The following EYS variants were observed in gnomAD, a reference collection of about 807,000 sequenced individuals.
The protein encoded by EYS is protein eyes shut homolog.
In EYS, 250 loss-of-function variants were observed where a neutral mutation model predicts 282.1. That is an observed-to-expected ratio of 0.89 (90% CI 0.80 to 0.98). The LOEUF is 0.98. Among genes scored for constraint, EYS ranks in the 50% least tolerant of loss-of-function variants. The pLI is 0.00. For missense variants in EYS, 4,016 were observed against 3,709.0 expected (o/e 1.08, Z -2.15); for synonymous variants, 1,355 against 1,282.9 (o/e 1.06, Z -1.20).
intron 31 of EYS, among the ~76,000 whole-genome samples, chr6:64,208,137 C>G (rs554494540): frequency 6.6e-6 from 1 of 152,234 alleles, no homozygotes; most frequent in African/African-American, 2.4e-5. Context: ...TGAAGGATGG[C>G]GATTTCACTG....
At chr6:64,472,475 C>A (rs952058374) in intron 26 of EYS, among the ~76,000 whole-genome samples, 2 of 152,146 alleles carry the variant, frequency 1.3e-5, no homozygotes, top group Non-Finnish European at 2.9e-5. Context: ...CTGTTTCCCC[C>A]TCATTTTGAC....
intron 2 of EYS, among the ~76,000 whole-genome samples, chr6:65,618,019 G>A (rs1562291748): frequency 6.6e-6 from 1 of 152,122 alleles, no homozygotes; most frequent in Non-Finnish European, 1.5e-5. Flanking sequence ...ACATACATGT[G>A]CATGTGTGTT....
intron 41 of EYS, among the ~76,000 whole-genome samples, chr6:63,737,273 A>C (rs1177145033): frequency 6.6e-6 from 1 of 152,128 alleles, no homozygotes; most frequent in East Asian, 1.9e-4. Context: ...TCAATACCTA[A>C]TTTATTGAGA....
chr6:65,015,085 T>C (rs1375817772), intron 13 of EYS, among the ~76,000 whole-genome samples: 1 of 152,048 alleles, frequency 6.6e-6, no homozygotes, highest in Non-Finnish European at 1.5e-5. Flanking sequence ...ATAGAAGTCT[T>C]CAGAAGCAAC....
chr6:64,987,818 T>C (rs1770912426), intron 14 of EYS, among the ~76,000 whole-genome samples: 1 of 151,522 alleles, frequency 6.6e-6, no homozygotes, highest in Non-Finnish European at 1.5e-5. Context: ...TCCTTGATTG[T>C]ATATAGTAAT....
At chr6:65,317,805 C>T (rs1310814874) in intron 11 of EYS, among the ~76,000 whole-genome samples, 1 of 37,934 alleles carries the variant, frequency 2.6e-5, no homozygotes, top group African/African-American at 1.5e-4. Context: ...TTCCTTCCTT[C>T]CTTCCTTCCT....
At chr6:64,150,656 A>G (rs566377480) in intron 31 of EYS, among the ~76,000 whole-genome samples, 2 of 152,188 alleles carry the variant, frequency 1.3e-5, no homozygotes, top group Non-Finnish European at 2.9e-5. Flanking sequence ...TATATGTACC[A>G]AAATATATAG....
At chr6:65,400,042 T>C (rs775297468) in intron 7 of EYS, among the ~76,000 whole-genome samples, 3 of 151,994 alleles carry the variant, frequency 2.0e-5, no homozygotes, top group Admixed American at 1.3e-4. Context: ...TTCCAAATGG[T>C]TCAAGTATCA....
intron 15 of EYS, among the ~76,000 whole-genome samples, chr6:64,925,790 C>A (rs1385858092): frequency 1.3e-5 from 2 of 152,074 alleles, no homozygotes; most frequent in Admixed American, 1.3e-4. Context: ...CCTTGTCCCC[C>A]ACTTTGCCTC....
At chr6:65,447,729 T>G (rs1399600555) in intron 5 of EYS, among the ~76,000 whole-genome samples, 1 of 151,162 alleles carries the variant, frequency 6.6e-6, no homozygotes, top group African/African-American at 2.4e-5. Flanking sequence ...CACATTGTAT[T>G]AGTGGAATGG....
At chr6:64,579,252 G>A (rs1320616604) in intron 26 of EYS, among the ~76,000 whole-genome samples, 1 of 152,120 alleles carries the variant, frequency 6.6e-6, no homozygotes, top group Non-Finnish European at 1.5e-5. Context: ...GCCCTAGCAG[G>A]AAAGTCACTG....
chr6:64,909,145 T>C (rs912888747), intron 16 of EYS, among the ~76,000 whole-genome samples: 3 of 152,174 alleles, frequency 2.0e-5, no homozygotes, highest in Non-Finnish European at 4.4e-5. Flanking sequence ...CTTCACCATG[T>C]TTAATTTTTC....
intron 11 of EYS, among the ~76,000 whole-genome samples, chr6:65,324,230 T>C: frequency 6.6e-6 from 1 of 152,130 alleles, no homozygotes; most frequent in Non-Finnish European, 1.5e-5. Flanking sequence ...TTTATTTGTT[T>C]ATTTCTTCAT....
intron 12 of EYS, among the ~76,000 whole-genome samples, chr6:65,271,941 T>G (rs1438705644): frequency 1.3e-5 from 2 of 152,116 alleles, no homozygotes; most frequent in Admixed American, 1.3e-4. Context: ...TTCAGCCAGT[T>G]GAAGGAGAAA....
intron 24 of EYS, among the ~76,000 whole-genome samples, chr6:64,598,888 C>T (rs529891302): frequency 3.3e-5 from 5 of 152,100 alleles, no homozygotes; most frequent in African/African-American, 1.2e-4. Flanking sequence ...GAGGCAGTGG[C>T]CAGGGAAGTC....
At chr6:63,740,390 T>C (rs1357304618) in intron 41 of EYS, among the ~76,000 whole-genome samples, 2 of 152,208 alleles carry the variant, frequency 1.3e-5, no homozygotes, top group East Asian at 3.9e-4. Context: ...TCTGCCATGA[T>C]TGTGAGGCCT....
intron 34 of EYS, among the ~76,000 whole-genome samples, chr6:63,984,883 A>AT (rs1161635850): frequency 2.6e-5 from 4 of 151,538 alleles, no homozygotes; most frequent in East Asian, 3.9e-4. Context: ...TTACTTTGAA[A>AT]TTTTTTTTGA....
At chr6:64,859,576 C>T (rs1329343827) in intron 19 of EYS, among the ~76,000 whole-genome samples, 1 of 152,080 alleles carries the variant, frequency 6.6e-6, no homozygotes, top group African/African-American at 2.4e-5. Flanking sequence ...TCCTGTGTTG[C>T]TCTCATTATA....
chr6:65,387,438 A>C (rs1765843688), intron 7 of EYS, among the ~76,000 whole-genome samples: 1 of 151,936 alleles, frequency 6.6e-6, no homozygotes, highest in Non-Finnish European at 1.5e-5. Flanking sequence ...AATAGGTTTC[A>C]AAATGTATTT....
Sources: gnomAD v4.1 joint callset for allele counts (sites outside exome capture counted in the v4.1 genomes callset) on GRCh38, gnomAD v4.1.1 for gene constraint, MANE v1.5 for transcripts, NCBI Gene and HGNC (gene_info 2026-07-23, HGNC 2026-07-21) for gene names.